The following MLIP variants were observed in gnomAD, a reference collection of about 807,000 sequenced individuals.
MLIP encodes muscular LMNA interacting protein.
In MLIP, 79 loss-of-function variants were observed where a neutral mutation model predicts 84.8. The ratio of observed to expected loss-of-function variants is 0.93; its 90% confidence interval spans 0.78 to 1.12. The LOEUF is 1.12. MLIP is among the 50% of genes most tolerant of loss of function. The probability of loss-of-function intolerance (pLI) is 0.00; values close to 1 mark genes in which losing one functional copy is unlikely to be tolerated. For synonymous variants in MLIP, 504 were observed against 463.0 expected (o/e 1.09, Z -1.14); for missense variants, 1,257 against 1,160.6 (o/e 1.08, Z -1.21).
In MLIP at chr6:54,169,566, C is replaced by T. The variant is rs780054321; in HGVS notation, c.2538C>T (p.Thr846=). 219 of 1,587,268 alleles carry T rather than the reference C, an allele frequency of 1.4e-4. No individual in the cohort carries two copies. The highest frequency in any genetic ancestry group is 3.4e-4 in the Middle Eastern group (2 of 5,902). ...TTCCAAGAGCAGCTGGTCGAGAAAC[C>T]AAATATGTAAGTACCTTTATAATTA... ...TTLPRAAGRE[T]KYANLSSPSS... Residue 846 remains threonine, a synonymous_variant, in exon 9 of 14, where the codon ACC becomes ACT. Transcript: ENST00000502396.
intron 1 of MLIP, among the ~76,000 whole-genome samples, chr6:54,114,644 A>T (rs1304599733): frequency 3.3e-5 from 5 of 152,198 alleles, no homozygotes; most frequent in Admixed American, 1.3e-4. Flanking sequence ...TCTTCATAGC[A>T]TTTATGAAAA....
chr6:54,041,816 G>T (rs182419257), intron 1 of MLIP, among the ~76,000 whole-genome samples: 1 of 152,044 alleles, frequency 6.6e-6, no homozygotes, highest in East Asian at 1.9e-4. Context: ...CCCACAATTG[G>T]CATTTTGGCT....
intron 12 of MLIP, among the ~76,000 whole-genome samples, chr6:54,255,803 ATTC>A (rs2150890056): frequency 6.6e-6 from 1 of 152,282 alleles, no homozygotes; most frequent in South Asian, 2.1e-4. Flanking sequence ...TTTCAAGATG[ATTC>A]TTCTTTTCTG....
intron 1 of MLIP, 147 bp downstream of exon 1, chr6:54,111,722 G>C (rs948754053): frequency 4.6e-6 from 4 of 874,390 alleles, no homozygotes; most frequent in Middle Eastern, 2.5e-4. Context: ...TCTTCACTTA[G>C]AGAAAAGGGT....
At chr6:54,171,010 CCTT>C (rs1386734778) in intron 9 of MLIP, among the ~76,000 whole-genome samples, 1 of 151,454 alleles carries the variant, frequency 6.6e-6, no homozygotes, top group African/African-American at 2.4e-5. Context: ...TGCTCTCTCT[CCTT>C]CTTCTTTTAT....
At chr6:54,158,455 G>A (rs1774275239) in intron 5 of MLIP, among the ~76,000 whole-genome samples, 1 of 151,952 alleles carries the variant, frequency 6.6e-6, no homozygotes, top group Non-Finnish European at 1.5e-5. Flanking sequence ...AACCTCTTTT[G>A]TAACTGTCTT....
exon 1 of MLIP, chr6:54,018,971 G>T: frequency 6.9e-7 from 1 of 1,451,406 alleles, no homozygotes; most frequent in South Asian, 1.1e-5. Flanking sequence ...TCATTTTCTA[G>T]ACAGAATCTG....
At chr6:54,182,366 C>T (rs1235128156) in intron 9 of MLIP, among the ~76,000 whole-genome samples, 1 of 152,174 alleles carries the variant, frequency 6.6e-6, no homozygotes, top group African/African-American at 2.4e-5. Flanking sequence ...ACTCTCTGTG[C>T]TGCATGGTCA....
chr6:54,070,155 A>T (rs992079682), intron 1 of MLIP, among the ~76,000 whole-genome samples: 2 of 152,132 alleles, frequency 1.3e-5, no homozygotes, highest in African/African-American at 2.4e-5. Context: ...CATTGCTGAT[A>T]CCCATGCACG....
intron 5 of MLIP, among the ~76,000 whole-genome samples, chr6:54,149,894 C>G (rs2150524910): frequency 1.3e-5 from 2 of 152,194 alleles, no homozygotes; most frequent in Admixed American, 1.3e-4. Flanking sequence ...ATATCAGAAT[C>G]AAAGTGAAAT....
chr6:54,075,216 C>T (rs1187611118), intron 1 of MLIP, among the ~76,000 whole-genome samples: 1 of 136,178 alleles, frequency 7.3e-6, no homozygotes, highest in African/African-American at 2.7e-5. Context: ...CATTGCACTC[C>T]AGCCTAGGCA....
intron 5 of MLIP, among the ~76,000 whole-genome samples, chr6:54,150,039 A>C (rs1773275727): frequency 6.6e-6 from 1 of 152,140 alleles, no homozygotes; most frequent in African/African-American, 2.4e-5. Context: ...TCATTTATCA[A>C]AACGTTGTTT....
chr6:54,031,291 G>A (rs1041192580), intron 1 of MLIP: 3 of 152,014 alleles, frequency 2.0e-5, no homozygotes, highest in African/African-American at 7.3e-5. Context: ...GTGTCAGAGA[G>A]GAATGCAAGG....
chr6:54,200,919 G>A (rs1486962366), intron 10 of MLIP, among the ~76,000 whole-genome samples: 1 of 152,160 alleles, frequency 6.6e-6, no homozygotes, highest in African/African-American at 2.4e-5. Context: ...GATAGATGTA[G>A]TCCCTTAAGG....
chr6:54,189,970 T>C, intron 10 of MLIP, 56 bp downstream of exon 10: 2 of 1,215,896 alleles, frequency 1.6e-6, no homozygotes, highest in Non-Finnish European at 2.4e-6. Flanking sequence ...CAAGAGAGCT[T>C]TACCTGAGTA....
intron 1 of MLIP, among the ~76,000 whole-genome samples, chr6:54,058,548 G>T (rs1385347702): frequency 6.6e-6 from 1 of 152,206 alleles, no homozygotes; most frequent in Non-Finnish European, 1.5e-5. Flanking sequence ...AACAGGAAAG[G>T]CAGTCTTTAA....
intron 11 of MLIP, among the ~76,000 whole-genome samples, chr6:54,227,943 G>A (rs949863742): frequency 2.6e-5 from 4 of 152,114 alleles, no homozygotes; most frequent in African/African-American, 9.7e-5. Context: ...CAGCACTTTG[G>A]GAGGCCGAGG....
In MLIP at chr6:54,169,515, T is replaced by C. The variant is rs1269930759; in HGVS notation, c.2500-13T>C. 6.4e-7 allele frequency: 1 copy of C among 1,565,226 alleles called. No individual in the cohort carries two copies. The highest frequency in any genetic ancestry group is 1.2e-5 in the South Asian group (1 of 82,822). Reference sequence around the variant, plus strand: ...ATTATTTCAGATGTATAATTGTTTTTATTTTCATACAGACTCCTACAACTC... The same window carrying C: ...ATTATTTCAGATGTATAATTGTTTTCATTTTCATACAGACTCCTACAACTC... On this transcript the variant is annotated splice_polypyrimidine_tract_variant and intron_variant, in intron 8 of 13. Transcript: ENST00000502396.
rs368911145 is a variant in MLIP at position 54,137,659 on chromosome 6, T to C, written c.1590T>C (p.Thr530=). The change falls in exon 4 of 14, where the codon ACT becomes ACC. Residue 530 remains threonine (T), a synonymous_variant. Coordinates refer to ENST00000502396, the MANE Select transcript of MLIP (RefSeq NM_001281747.2). Reference sequence around the variant, plus strand: ...ATGTAGAGAGAACACCATCACCTACTTTGAAGAGCAATACCATGCTCTCCC... The same window carrying C: ...ATGTAGAGAGAACACCATCACCTACCTTGAAGAGCAATACCATGCTCTCCC... ...SMNVERTPSP[T]LKSNTMLSLL... 6.5e-7 allele frequency: 1 copy of C among 1,536,070 alleles called. No individual in the cohort carries two copies. Among genetic ancestry groups the C allele is most frequent in the Non-Finnish European group, 8.7e-7 (1 of 1,146,890 alleles).
Sources: gnomAD v4.1 joint callset for allele counts (sites outside exome capture counted in the v4.1 genomes callset) on GRCh38, gnomAD v4.1.1 for gene constraint, MANE v1.5 for transcripts, NCBI Gene and HGNC (gene_info 2026-07-23, HGNC 2026-07-21) for gene names.